RABGAP1: variants seen among roughly 807,000 people sequenced by gnomAD.
RABGAP1 encodes the protein rab GTPase-activating protein 1.
RABGAP1 carries 23 observed loss-of-function variants against 137.6 expected under a neutral mutation model. The ratio of observed to expected loss-of-function variants is 0.17; its 90% CI spans 0.12 to 0.24. RABGAP1 has a LOEUF of 0.24. RABGAP1 is among the 10% of genes least tolerant of loss of function. The pLI, the probability that RABGAP1 is intolerant of heterozygous loss-of-function variation, is 1.00. For synonymous variants in RABGAP1, 451 were observed against 450.7 expected (o/e 1.00, Z -0.01); for missense variants, 906 against 1,275.8 (o/e 0.71, Z 4.42).
At chr9:123,056,597 C>T (rs1173226311) in intron 13 of RABGAP1, among the ~76,000 whole-genome samples, 11 of 149,840 alleles carry the variant, frequency 7.3e-5, no homozygotes, top group Non-Finnish European at 1.5e-4. Flanking sequence ...GAACAAAGGT[C>T]TCTGGTTTTC....
At chr9:122,966,697 T>C (rs746516964) in intron 2 of RABGAP1, among the ~76,000 whole-genome samples, 2 of 152,018 alleles carry the variant, frequency 1.3e-5, no homozygotes, top group African/African-American at 2.4e-5. Context: ...TCTTGAGATA[T>C]AAGAAAACCC....
At chr9:122,969,951 G>C (rs1835386300) in intron 2 of RABGAP1, among the ~76,000 whole-genome samples, 2 of 152,132 alleles carry the variant, frequency 1.3e-5, no homozygotes, top group South Asian at 4.1e-4. Flanking sequence ...GGCTGGAGTG[G>C]AGTGGCATGG....
chr9:122,990,796 AATATATATATATATATAT>A (rs1188480184), intron 6 of RABGAP1: 8 of 27,742 alleles, frequency 2.9e-4, no homozygotes, highest in African/African-American at 5.9e-4. Flanking sequence ...AAAAAAAAAA[AATATATATATATATATAT>A]ATATATATAT....
intron 21 of RABGAP1, among the ~76,000 whole-genome samples, chr9:123,092,439 A>G (rs2035058079): frequency 1.3e-5 from 2 of 152,192 alleles, no homozygotes; most frequent in African/African-American, 4.8e-5. Context: ...TTGAGAGAAC[A>G]GTAATGTAAG....
intron 19 of RABGAP1, among the ~76,000 whole-genome samples, chr9:123,081,510 C>T (rs1399409298): frequency 2.0e-5 from 3 of 152,192 alleles, no homozygotes; most frequent in Non-Finnish European, 2.9e-5. Flanking sequence ...AGTCATGGCT[C>T]ACTGCAGCCT....
rs750604372 is a variant in RABGAP1 at position 122,989,504 on chromosome 9, A to T, written c.765+33A>T. 3 of 1,597,614 alleles carry T rather than the reference A, an allele frequency of 1.9e-6. No homozygotes were observed. The East Asian group carries it at 6.7e-5, about 36-fold the overall frequency. On this transcript the variant is annotated intron_variant, in intron 5 of 25. Transcript: ENST00000373647. ...CTCAAGAGAAAACTCTCTGCAAATGAAACTTCACCAGTGCCCTCACTAGGT... is the reference window on the plus strand; with the variant it reads ...CTCAAGAGAAAACTCTCTGCAAATGTAACTTCACCAGTGCCCTCACTAGGT...
chr9:123,006,545 A>G (rs2030282173), intron 10 of RABGAP1, among the ~76,000 whole-genome samples: 1 of 152,136 alleles, frequency 6.6e-6, no homozygotes, highest in African/African-American at 2.4e-5. Context: ...TCTGGTATTT[A>G]TATTCTGTTC....
At chr9:122,975,111 T>C (rs2131703830) in intron 2 of RABGAP1, among the ~76,000 whole-genome samples, 1 of 152,352 alleles carries the variant, frequency 6.6e-6, no homozygotes, top group South Asian at 2.1e-4. Context: ...TTCATTTGTG[T>C]TTTTACTGCA....
At chr9:123,028,562 CAGAG>C (rs1336702075) in intron 13 of RABGAP1, among the ~76,000 whole-genome samples, 9 of 152,146 alleles carry the variant, frequency 5.9e-5, no homozygotes, top group South Asian at 4.1e-4. Context: ...TCTTAAAAGT[CAGAG>C]AGAACAGCGT....
chr9:123,100,111 C>T (rs1434242950), intron 24 of RABGAP1, among the ~76,000 whole-genome samples: 1 of 152,136 alleles, frequency 6.6e-6, no homozygotes, highest in African/African-American at 2.4e-5. Context: ...GGCACCATTG[C>T]GCCCAGTTTA....
chr9:123,032,324 A>G (rs961916310), intron 13 of RABGAP1, among the ~76,000 whole-genome samples: 2 of 152,232 alleles, frequency 1.3e-5, no homozygotes, highest in African/African-American at 2.4e-5. Context: ...GATAAGTAAT[A>G]TTAGAGCAAG....
intron 12 of RABGAP1, among the ~76,000 whole-genome samples, chr9:123,019,397 A>G (rs2031462520): frequency 6.9e-6 from 1 of 144,202 alleles, no homozygotes; most frequent in Non-Finnish European, 1.5e-5. Flanking sequence ...GCGGTCTCTC[A>G]CTGCAGCCTT....
chr9:123,007,050 A>G (rs1355785809), intron 10 of RABGAP1, among the ~76,000 whole-genome samples: 1 of 150,584 alleles, frequency 6.6e-6, no homozygotes, highest in Non-Finnish European at 1.5e-5. Flanking sequence ...AGCTCTGGAA[A>G]AAAAAAACTA....
intron 3 of RABGAP1, among the ~76,000 whole-genome samples, chr9:122,985,155 A>T (rs186624075): frequency 3.3e-4 from 50 of 152,344 alleles, no homozygotes; most frequent in African/African-American, 1.1e-3. Flanking sequence ...ATGGGACAGA[A>T]AGACATAGCA....
At chr9:123,034,306 G>T in intron 13 of RABGAP1, 1 of 524,692 alleles carries the variant, frequency 1.9e-6, no homozygotes, top group Non-Finnish European at 3.3e-6. Flanking sequence ...GGTGCTATGT[G>T]TATGGTGAAC....
At chr9:122,956,883 G>A (rs1385709324) in intron 1 of RABGAP1, 128 bp from the exon 2 acceptor site, 2 of 414,622 alleles carry the variant, frequency 4.8e-6, no homozygotes, top group Non-Finnish European at 7.9e-6. Context: ...TATAAGTAGT[G>A]AAAGTCTTAG....
intron 6 of RABGAP1, 98 bp downstream of exon 6, chr9:122,990,311 A>G: frequency 2.8e-6 from 3 of 1,090,098 alleles, no homozygotes; most frequent in Non-Finnish European, 3.7e-6. Context: ...ATGGCTTTTA[A>G]AGGGAGGGCT....
intron 5 of RABGAP1, chr9:122,989,704 T>G (rs755329755): frequency 5.3e-6 from 3 of 567,988 alleles, no homozygotes; most frequent in Non-Finnish European, 9.2e-6. Flanking sequence ...TACTTTTGAT[T>G]GGGTTAAGTA....
At chr9:123,100,271 G>C (rs2035301378) in intron 24 of RABGAP1, among the ~76,000 whole-genome samples, 1 of 152,200 alleles carries the variant, frequency 6.6e-6, no homozygotes, top group African/African-American at 2.4e-5. Flanking sequence ...CATATTTACA[G>C]CTCAGAGGAC....
Sources: gnomAD v4.1 joint callset for allele counts (sites outside exome capture counted in the v4.1 genomes callset) on GRCh38, gnomAD v4.1.1 for gene constraint, MANE v1.5 for transcripts, NCBI Gene and HGNC (gene_info 2026-07-23, HGNC 2026-07-21) for gene names.